Variants in GREM2 observed in about 807,000 individuals in gnomAD.
GREM2 encodes gremlin 2, DAN family BMP antagonist.
In GREM2, 11 loss-of-function variants were observed where a neutral mutation model predicts 14.2. The observed-to-expected ratio is 0.78, with a 90% CI of 0.49 to 1.28. The LOEUF is 1.28. Ranked by LOEUF, GREM2 falls within the 50% of genes most tolerant of loss-of-function variation. GREM2 has a pLI of 0.00. For missense variants in GREM2, 210 were observed against 218.5 expected (o/e 0.96, Z 0.24); for synonymous variants, 98 against 97.6 (o/e 1.00, Z -0.02).
chr1:240,536,344 T>A (rs1168771844), intron 1 of GREM2, among the ~76,000 whole-genome samples: 2 of 152,018 alleles, frequency 1.3e-5, no homozygotes, highest in East Asian at 3.9e-4. Flanking sequence ...GAAGAAAGGG[T>A]CATGCAGCCA....
intron 1 of GREM2, among the ~76,000 whole-genome samples, chr1:240,584,894 G>A (rs943004102): frequency 1.3e-5 from 2 of 152,078 alleles, no homozygotes; most frequent in Non-Finnish European, 2.9e-5. Flanking sequence ...ATCCACAGAG[G>A]ACCTAGAAAC....
At position 240,491,236 on chromosome 1, in the gene GREM2, T is replaced by TACCTAGTATC. The variant is rs1458432359; in HGVS notation, c.*1723_*1732dup. On this transcript the variant is annotated 3_prime_UTR_variant, in exon 2 of 2. Transcript: ENST00000318160. The stretch of plus-strand genomic sequence containing the variant: ...TGAATGTCTCTAGATCCACCATCAC[T>TACCTAGTATC]ACCTAGTATCAGGAAGCTAAGTCCC... The TACCTAGTATC allele has an allele frequency of 1.3e-5, 2 of 152,368 alleles. No individual in the cohort carries two copies. Among genetic ancestry groups the TACCTAGTATC allele is most frequent in the African/African-American group, 4.8e-5 (2 of 41,406 alleles). The allele number at this position is 152,368 out of a possible 1,614,324, so 9.4% of individuals were successfully genotyped here.
chr1:240,521,526 G>A (rs1010771670), intron 1 of GREM2, among the ~76,000 whole-genome samples: 2 of 151,734 alleles, frequency 1.3e-5, no homozygotes, highest in Admixed American at 6.6e-5. Flanking sequence ...AGCCGAGATG[G>A]CACCACTGCA....
chr1:240,512,312 C>G (rs953704163), intron 1 of GREM2, among the ~76,000 whole-genome samples: 1 of 152,130 alleles, frequency 6.6e-6, no homozygotes, highest in Non-Finnish European at 1.5e-5. Flanking sequence ...AGAAAAGTCT[C>G]AGCTTCAAAT....
intron 1 of GREM2, among the ~76,000 whole-genome samples, chr1:240,541,186 G>A (rs577377699): frequency 3.9e-4 from 60 of 152,250 alleles, no homozygotes; most frequent in African/African-American, 1.2e-3. Flanking sequence ...AGTCTGAGTC[G>A]AAATGAAGGT....
chr1:240,598,286 AC>A (rs1679858601), intron 1 of GREM2, among the ~76,000 whole-genome samples: 1 of 152,122 alleles, frequency 6.6e-6, no homozygotes, highest in African/African-American at 2.4e-5. Context: ...GAGTCAAAAG[AC>A]CCCAATGGCC....
chr1:240,562,676 C>T (rs911515414), intron 1 of GREM2, among the ~76,000 whole-genome samples: 1 of 151,834 alleles, frequency 6.6e-6, no homozygotes, highest in African/African-American at 2.4e-5. Context: ...TTAGCATTTA[C>T]TATATAGAAA....
intron 1 of GREM2, among the ~76,000 whole-genome samples, chr1:240,519,949 G>A (rs571227261): frequency 9.9e-5 from 15 of 152,110 alleles, no homozygotes; most frequent in African/African-American, 2.9e-4. Context: ...GCGTGGTGGC[G>A]CATGCCTGTA....
chr1:240,574,216 A>G (rs1236606579), intron 1 of GREM2, among the ~76,000 whole-genome samples: 1 of 152,094 alleles, frequency 6.6e-6, no homozygotes, highest in Non-Finnish European at 1.5e-5. Context: ...CACTGCACCC[A>G]GCCTGAGATA....
At chr1:240,500,524 C>T (rs1364663374) in intron 1 of GREM2, among the ~76,000 whole-genome samples, 2 of 152,124 alleles carry the variant, frequency 1.3e-5, no homozygotes, top group East Asian at 1.9e-4. Flanking sequence ...AGGCTGGTCT[C>T]GAACTTCTAG....
At chr1:240,572,044 T>G (rs1679272686) in intron 1 of GREM2, among the ~76,000 whole-genome samples, 1 of 152,192 alleles carries the variant, frequency 6.6e-6, no homozygotes, top group African/African-American at 2.4e-5. Context: ...CATGAGGATT[T>G]TGGCACCTTT....
At chr1:240,576,340 G>C (rs1399631380) in intron 1 of GREM2, among the ~76,000 whole-genome samples, 1 of 152,188 alleles carries the variant, frequency 6.6e-6, no homozygotes, top group African/African-American at 2.4e-5. Flanking sequence ...AATCTTGTAA[G>C]GGGATCTTCC....
intron 1 of GREM2, among the ~76,000 whole-genome samples, chr1:240,596,924 C>G (rs544027594): frequency 6.6e-6 from 1 of 152,280 alleles, no homozygotes; most frequent in South Asian, 2.1e-4. Context: ...TTTTGATAGT[C>G]ACTTTCTCCG....
At chr1:240,546,862 T>G (rs544566367) in intron 1 of GREM2, among the ~76,000 whole-genome samples, 1 of 147,348 alleles carries the variant, frequency 6.8e-6, no homozygotes, top group African/African-American at 2.7e-5. Context: ...CTTCAAGGGC[T>G]TATCACTTAG....
At chr1:240,496,392 T>C (rs2103271242) in intron 1 of GREM2, among the ~76,000 whole-genome samples, 1 of 152,354 alleles carries the variant, frequency 6.6e-6, no homozygotes, top group South Asian at 2.1e-4. Context: ...TCTTGTGCTC[T>C]AGAGCCTTAC....
intron 1 of GREM2, among the ~76,000 whole-genome samples, chr1:240,576,972 A>G (rs1183020971): frequency 6.6e-6 from 1 of 152,212 alleles, no homozygotes; most frequent in Non-Finnish European, 1.5e-5. Flanking sequence ...TTTCTTAGTC[A>G]AGTGCTACAT....
At chr1:240,548,930 A>G (rs1451031409) in intron 1 of GREM2, among the ~76,000 whole-genome samples, 1 of 152,260 alleles carries the variant, frequency 6.6e-6, no homozygotes, top group Non-Finnish European at 1.5e-5. Context: ...TGAGTAATCC[A>G]GAAGAATAAT....
At chr1:240,528,561 T>C (rs1197796616) in intron 1 of GREM2, among the ~76,000 whole-genome samples, 1 of 152,180 alleles carries the variant, frequency 6.6e-6, no homozygotes, top group South Asian at 2.1e-4. Context: ...TTTCTGTGGA[T>C]AAACCCATAA....
chr1:240,518,271 G>A (rs1362723110), intron 1 of GREM2, among the ~76,000 whole-genome samples: 1 of 152,162 alleles, frequency 6.6e-6, no homozygotes, highest in African/African-American at 2.4e-5. Flanking sequence ...AATTTAGGCT[G>A]TACTTGACCC....
Sources: allele counts gnomAD v4.1 joint callset (sites outside exome capture counted in the v4.1 genomes callset), GRCh38; gene constraint gnomAD v4.1.1; transcripts MANE v1.5; gene names NCBI Gene and HGNC (gene_info 2026-07-23, HGNC 2026-07-21).